The following ADGRL3 variants were observed in gnomAD, a reference collection of about 807,000 sequenced individuals.
ADGRL3 encodes calcium-independent alpha-latrotoxin receptor 3.
ADGRL3 carries 62 observed loss-of-function variants against 153.5 expected under a neutral mutation model. The observed-to-expected ratio is 0.40, with a 90% CI of 0.33 to 0.50. The LOEUF (loss-of-function observed/expected upper bound fraction) is 0.50. Among genes scored for constraint, ADGRL3 ranks in the 20% least tolerant of loss-of-function variants. The pLI, the probability that ADGRL3 is intolerant of heterozygous loss-of-function variation, is 0.47. For missense variants in ADGRL3, 1,641 were observed against 1,859.4 expected (o/e 0.88, Z 2.16); for synonymous variants, 710 against 672.5 (o/e 1.06, Z -0.86).
At chr4:61,526,619 G>GA (rs982370256) in intron 4 of ADGRL3, among the ~76,000 whole-genome samples, 7 of 151,350 alleles carry the variant, frequency 4.6e-5, no homozygotes, top group Admixed American at 2.0e-4. Context: ...CTTTATAAAA[G>GA]AAAAAAAATA....
At chr4:62,022,919 A>G (rs951246220) in intron 21 of ADGRL3, among the ~76,000 whole-genome samples, 3 of 152,164 alleles carry the variant, frequency 2.0e-5, no homozygotes, top group African/African-American at 7.2e-5. Context: ...TCCATTCTGC[A>G]GCCCATGGAT....
chr4:61,850,345 C>T (rs1478569874), intron 9 of ADGRL3, among the ~76,000 whole-genome samples: 1 of 152,062 alleles, frequency 6.6e-6, no homozygotes, highest in African/African-American at 2.4e-5. Flanking sequence ...TTTGCACCAA[C>T]CTAATGTGTA....
chr4:62,010,721 T>A (rs1350449577), intron 21 of ADGRL3, among the ~76,000 whole-genome samples: 1 of 152,104 alleles, frequency 6.6e-6, no homozygotes, highest in African/African-American at 2.4e-5. Flanking sequence ...ATTTAATTAT[T>A]GTAATTTATC....
At chr4:61,760,659 C>A (rs545841002) in intron 8 of ADGRL3, among the ~76,000 whole-genome samples, 1 of 152,332 alleles carries the variant, frequency 6.6e-6, no homozygotes, top group East Asian at 1.9e-4. Context: ...GCTGCACCCA[C>A]TGTCCTGCAC....
At chr4:61,237,899 C>G (rs4301148) in intron 1 of ADGRL3, among the ~76,000 whole-genome samples, 1 of 151,804 alleles carries the variant, frequency 6.6e-6, no homozygotes, top group Non-Finnish European at 1.5e-5. Flanking sequence ...AATACACTGC[C>G]GGGTAACTTT....
chr4:61,868,265 T>C (rs1429274728), intron 9 of ADGRL3, among the ~76,000 whole-genome samples: 3 of 152,146 alleles, frequency 2.0e-5, no homozygotes, highest in African/African-American at 4.8e-5. Flanking sequence ...GATTTTTTTT[T>C]CCATCCATTT....
chr4:61,941,281 A>G (rs2098891879), intron 15 of ADGRL3, among the ~76,000 whole-genome samples: 1 of 131,184 alleles, frequency 7.6e-6, no homozygotes, highest in African/African-American at 2.9e-5. Context: ...GTTCTGTTCC[A>G]TTGATCTATA....
rs377190817 is a variant in ADGRL3 at position 61,659,971 on chromosome 4, T to C, written c.474-16855T>C. On this transcript the variant is annotated intron_variant, in intron 5 of 26. Coordinates refer to ENST00000683033, the MANE Select transcript of ADGRL3 (RefSeq NM_001387552.1). ...CACCAGAGATTAGGAGGAGCACACA[T>C]AGGATATGGACTGATTGGATATTGG... Among the ~76,000 whole-genome samples the C allele has an allele frequency of 3.4e-5, 5 of 145,868 alleles. No homozygotes were observed. In the East Asian group the frequency reaches 1.1e-3, roughly 31 times the overall value.
chr4:61,456,759 A>G (rs112056886), intron 2 of ADGRL3, among the ~76,000 whole-genome samples: 1 of 151,758 alleles, frequency 6.6e-6, no homozygotes, highest in East Asian at 1.9e-4. Flanking sequence ...AAGAAGTCAT[A>G]ATGAGAAAAT....
At chr4:61,450,858 G>C (rs555326039) in intron 2 of ADGRL3, among the ~76,000 whole-genome samples, 1 of 151,960 alleles carries the variant, frequency 6.6e-6, no homozygotes, top group Non-Finnish European at 1.5e-5. Flanking sequence ...TGAAGACGAG[G>C]CTTTATCAAA....
intron 9 of ADGRL3, among the ~76,000 whole-genome samples, chr4:61,881,566 C>T (rs997216925): frequency 5.9e-5 from 9 of 152,092 alleles, no homozygotes; most frequent in East Asian, 5.8e-4. Flanking sequence ...TTAGTAGAGA[C>T]GGGGTTTCCC....
At chr4:61,892,994 G>A (rs767304382) in intron 10 of ADGRL3, 36 bp downstream of exon 10, 2 of 1,351,536 alleles carry the variant, frequency 1.5e-6, no homozygotes, top group Admixed American at 6.5e-5. Flanking sequence ...TAAAACTGTT[G>A]TGTTGCTTTG....
intron 1 of ADGRL3, among the ~76,000 whole-genome samples, chr4:61,299,526 A>C (rs2094515467): frequency 1.3e-5 from 2 of 152,198 alleles, no homozygotes; most frequent in Admixed American, 1.3e-4. Context: ...TAGAGACATC[A>C]ATCTATGCAC....
chr4:61,930,259 C>T (rs2098812461), intron 13 of ADGRL3, among the ~76,000 whole-genome samples: 2 of 151,068 alleles, frequency 1.3e-5, no homozygotes, highest in East Asian at 1.9e-4. Flanking sequence ...TTTATTTTTA[C>T]GTTTTTCAAA....
chr4:61,902,366 C>A (rs1388200497), intron 11 of ADGRL3, among the ~76,000 whole-genome samples: 2 of 152,106 alleles, frequency 1.3e-5, no homozygotes, highest in African/African-American at 4.8e-5. Flanking sequence ...CACTGCTTTT[C>A]ACTTCTCTCC....
rs994802231 is a variant in ADGRL3, at chr4:62,073,376, C to T, written c.*2468C>T. ...AGCGTTAATGATAATTAGGTTTTCT[C>T]ACACCACACTATGGCAATATTAGCA... is the stretch of plus-strand genomic sequence containing the variant. On this transcript the variant is annotated 3_prime_UTR_variant, in exon 27 of 27. Transcript: ENST00000683033. 3 of 152,084 alleles carry T rather than the reference C, an allele frequency of 2.0e-5. No homozygotes were observed. The highest frequency in any genetic ancestry group is 7.2e-5 in the African/African-American group (3 of 41,422). The allele number at this position is 152,084 out of a possible 1,614,324, so 9.4% of individuals were successfully genotyped here.
intron 2 of ADGRL3, among the ~76,000 whole-genome samples, chr4:61,418,953 T>A (rs2097173423): frequency 6.6e-6 from 1 of 150,888 alleles, no homozygotes; most frequent in Admixed American, 6.6e-5. Flanking sequence ...ATAGAAATCC[T>A]ATGTCATGAA....
intron 3 of ADGRL3, among the ~76,000 whole-genome samples, chr4:61,515,501 A>G (rs1398528900): frequency 6.6e-6 from 1 of 151,972 alleles, no homozygotes; most frequent in Non-Finnish European, 1.5e-5. Flanking sequence ...TGATTCATTA[A>G]AGTAGCTTTG....
intron 8 of ADGRL3, among the ~76,000 whole-genome samples, chr4:61,803,237 T>C (rs1392303733): frequency 6.6e-6 from 1 of 152,128 alleles, no homozygotes; most frequent in African/African-American, 2.4e-5. Flanking sequence ...TTTGAGCCTT[T>C]GTTTATGGAA....
Sources: gnomAD v4.1 joint callset for allele counts (sites outside exome capture counted in the v4.1 genomes callset) on GRCh38, gnomAD v4.1.1 for gene constraint, MANE v1.5 for transcripts, NCBI Gene and HGNC (gene_info 2026-07-23, HGNC 2026-07-21) for gene names.